LGI2: variants seen among roughly 807,000 people sequenced by gnomAD.
The protein encoded by LGI2 is leucine-rich repeat LGI family member 2.
A neutral mutation model predicts 52.0 loss-of-function variants in LGI2; 30 were observed. The observed-to-expected ratio is 0.58, with a 90% confidence interval of 0.43 to 0.78. The LOEUF (loss-of-function observed/expected upper bound fraction) is 0.78. Among genes scored for constraint, LGI2 ranks in the 30% least tolerant of loss-of-function variants. The pLI is 0.00. For synonymous variants in LGI2, 270 were observed against 271.8 expected (o/e 0.99, Z 0.06); for missense variants, 573 against 692.5 (o/e 0.83, Z 1.94).
At chr4:24,997,515 C>A (rs1725113755), downstream of LGI2, among the ~76,000 whole-genome samples, 1 of 152,188 alleles carries the variant, frequency 6.6e-6, no homozygotes, top group Non-Finnish European at 1.5e-5. Context: ...GCCATTCTCT[C>A]CAAAATGATT....
At chr4:25,022,169 C>A (rs1379362566) in intron 4 of LGI2, among the ~76,000 whole-genome samples, 1 of 152,158 alleles carries the variant, frequency 6.6e-6, no homozygotes, top group Admixed American at 6.5e-5. Flanking sequence ...GCAACAGCAC[C>A]AACCAGTATG....
At chr4:25,006,630 T>C (rs79215963) in intron 7 of LGI2, among the ~76,000 whole-genome samples, 5,150 of 152,282 alleles carry the variant, frequency 0.034, 288 homozygotes, top group African/African-American at 0.12. Context: ...TTGAAAATAC[T>C]AAGAGGTAAA....
chr4:25,030,068 T>C (rs574735172), intron 1 of LGI2, among the ~76,000 whole-genome samples: 1 of 149,620 alleles, frequency 6.7e-6, no homozygotes, highest in Non-Finnish European at 1.5e-5. Flanking sequence ...TGCACGCCCC[T>C]ACACACACAA....
intron 4 of LGI2, among the ~76,000 whole-genome samples, chr4:25,020,947 A>AG (rs1725938257): frequency 6.6e-6 from 1 of 152,190 alleles, no homozygotes; most frequent in South Asian, 2.1e-4. Context: ...AATTTTTAAA[A>AG]GGGGGGTGTT....
downstream of LGI2, among the ~76,000 whole-genome samples, chr4:24,995,195 G>A (rs572387595): frequency 2.0e-5 from 3 of 152,268 alleles, no homozygotes; most frequent in South Asian, 6.2e-4. Flanking sequence ...TGTGTGTGTG[G>A]TGACACGTCA....
intron 5 of LGI2, 123 bp downstream of exon 5, chr4:25,019,044 T>C (rs761490269): frequency 3.1e-5 from 22 of 721,048 alleles, no homozygotes; most frequent in Non-Finnish European, 5.2e-5. Flanking sequence ...GATGCACTAC[T>C]TTGTTATAGA....
downstream of LGI2, among the ~76,000 whole-genome samples, chr4:24,994,555 ACTCT>A (rs1725002776): frequency 1.3e-5 from 2 of 149,536 alleles, no homozygotes; most frequent in African/African-American, 4.9e-5. Context: ...AACCAATCTC[ACTCT>A]CTCCCTCTGG....
chr4:25,008,677 C>T (rs1725472601), intron 7 of LGI2, among the ~76,000 whole-genome samples: 1 of 152,084 alleles, frequency 6.6e-6, no homozygotes, highest in African/African-American at 2.4e-5. Flanking sequence ...GGGGCTCATG[C>T]ACATTAAATC....
chr4:24,997,173 T>C (rs1180263760), downstream of LGI2, among the ~76,000 whole-genome samples: 7 of 152,208 alleles, frequency 4.6e-5, no homozygotes, highest in Non-Finnish European at 8.8e-5. Flanking sequence ...TGTTGTCCTG[T>C]CTGGGAAGCA....
chr4:25,030,514 C>T lies in LGI2; in HGVS notation c.180G>A (p.Pro60=). The change falls in exon 1 of 8, where the codon CCG becomes CCA. Residue 60 remains proline (P), a synonymous_variant. Coordinates refer to ENST00000382114, the MANE Select transcript of LGI2 (RefSeq NM_018176.4). ...VGSSWVPRIV[P]GDISSLSLVN... is the part of the protein sequence containing the mutation. ...CCACTCACAGGGAGCTGATGTCGCC[C>T]GGCACGATCCTGGGCACCCAGGAAG... The T allele has an allele frequency of 6.3e-7, 1 of 1,592,976 alleles. No homozygotes were observed. The highest frequency in any genetic ancestry group is 8.5e-7 in the Non-Finnish European group (1 of 1,171,600).
chr4:25,028,693 A>G (rs1726223335), intron 1 of LGI2, 115 bp from the exon 2 acceptor site: 2 of 827,192 alleles, frequency 2.4e-6, no homozygotes, highest in Admixed American at 4.1e-5. Flanking sequence ...CTCAGGAGTG[A>G]GGCATAGCAC....
At chr4:25,005,081 G>C (rs1353940590) in intron 7 of LGI2, among the ~76,000 whole-genome samples, 1 of 152,186 alleles carries the variant, frequency 6.6e-6, no homozygotes, top group Non-Finnish European at 1.5e-5. Flanking sequence ...GAGGTACCTA[G>C]AGCAGTCAGA....
chr4:25,023,530 T>G (rs1726043320), intron 4 of LGI2, among the ~76,000 whole-genome samples: 1 of 152,224 alleles, frequency 6.6e-6, no homozygotes, highest in South Asian at 2.1e-4. Context: ...AATCAAGTGT[T>G]TGCTTGGCCT....
At chr4:25,015,419 C>G (rs1157861224) in intron 6 of LGI2, among the ~76,000 whole-genome samples, 1 of 152,060 alleles carries the variant, frequency 6.6e-6, no homozygotes, top group Non-Finnish European at 1.5e-5. Context: ...GGGGAGGGTT[C>G]AAGAGCTGAT....
chr4:25,027,700 G>A (rs1726194513), intron 2 of LGI2, among the ~76,000 whole-genome samples: 1 of 152,216 alleles, frequency 6.6e-6, no homozygotes, highest in South Asian at 2.1e-4. Context: ...CACATTGCTT[G>A]TTTTAATTTC....
At chr4:25,009,274 T>A (rs1577548901) in intron 7 of LGI2, among the ~76,000 whole-genome samples, 1 of 152,338 alleles carries the variant, frequency 6.6e-6, no homozygotes, top group African/African-American at 2.4e-5. Context: ...TCCCCCTGGA[T>A]GTTCTTCAAA....
chr4:25,009,811 T>G (rs1725518356), intron 7 of LGI2, among the ~76,000 whole-genome samples: 1 of 152,016 alleles, frequency 6.6e-6, no homozygotes, highest in Non-Finnish European at 1.5e-5. Flanking sequence ...AATTTTTGTA[T>G]TTTTAGTAGA....
intron 1 of LGI2, among the ~76,000 whole-genome samples, chr4:25,029,823 C>T (rs1726265098): frequency 6.6e-6 from 1 of 152,256 alleles, no homozygotes; most frequent in African/African-American, 2.4e-5. Context: ...CTGGGCTAGG[C>T]GCCCAACATG....
At chr4:25,023,513 G>A (rs62409672) in intron 4 of LGI2, among the ~76,000 whole-genome samples, 34,615 of 152,160 alleles carry the variant, frequency 0.23, 4,746 homozygotes, top group Middle Eastern at 0.4. Flanking sequence ...ACTTGTGGGC[G>A]TTCCAGAATC....
Sources: gnomAD v4.1 joint callset for allele counts (sites outside exome capture counted in the v4.1 genomes callset) on GRCh38, gnomAD v4.1.1 for gene constraint, MANE v1.5 for transcripts, NCBI Gene and HGNC (gene_info 2026-07-23, HGNC 2026-07-21) for gene names.